DNAH9: variants seen among roughly 807,000 people sequenced by gnomAD.
DNAH9 encodes dynein axonemal heavy chain 9.
In DNAH9, 345 loss-of-function variants were observed where a neutral mutation model predicts 471.6. That is an observed-to-expected ratio of 0.73 (90% CI 0.67 to 0.80). DNAH9 has a LOEUF of 0.80. Ranked by LOEUF, DNAH9 falls within the 30% of genes least tolerant of loss-of-function variation. DNAH9 has a pLI of 0.00. For missense variants in DNAH9, 5,407 were observed against 5,609.2 expected (o/e 0.96, Z 1.15); for synonymous variants, 2,093 against 2,123.6 (o/e 0.99, Z 0.40).
Position 11,669,402 on chromosome 17 carries a change from C to T in DNAH9, c.2961C>T (p.Asn987=). Residue 987 remains asparagine (N), a synonymous_variant, in exon 17 of 69, where the codon AAC becomes AAT. Coordinates refer to ENST00000262442, the MANE Select transcript of DNAH9 (RefSeq NM_001372.4). ...TGGACGGTATACCAGATTTGGCAAA[C>T]ATGCGGCGCACACTCATGGAGAGAG... ...VDLDGIPDLA[N]MRRTLMERVQ... 1.2e-6 allele frequency: 2 copies of T among 1,613,548 alleles called. No individual in the cohort carries two copies. Among genetic ancestry groups the T allele is most frequent in the Non-Finnish European group, 1.7e-6 (2 of 1,179,692 alleles).
At chr17:11,682,842 A>C (rs1239864714) in intron 19 of DNAH9, among the ~76,000 whole-genome samples, 1 of 152,180 alleles carries the variant, frequency 6.6e-6, no homozygotes, top group Non-Finnish European at 1.5e-5. Flanking sequence ...TCAAGCAATC[A>C]TGAGGAGGAA....
intron 18 of DNAH9, 69 bp downstream of exon 18, chr17:11,680,048 A>C: frequency 1.6e-6 from 2 of 1,230,064 alleles, no homozygotes; most frequent in Non-Finnish European, 2.3e-6. Context: ...AATGGGGTAA[A>C]GTGGGGTACA....
intron 60 of DNAH9, among the ~76,000 whole-genome samples, chr17:11,905,144 G>C (rs1024054198): frequency 2.0e-5 from 3 of 151,772 alleles, no homozygotes; most frequent in Admixed American, 1.3e-4. Context: ...TGAGGCAGGG[G>C]AATCACTTGA....
intron 48 of DNAH9, among the ~76,000 whole-genome samples, chr17:11,830,211 G>A (rs1205964338): frequency 6.6e-6 from 1 of 152,146 alleles, no homozygotes; most frequent in Non-Finnish European, 1.5e-5. Context: ...CTTTCTCTTG[G>A]CATTGCCTGG....
intron 9 of DNAH9, 33 bp downstream of exon 9, chr17:11,636,817 A>G (rs753371504): frequency 1.2e-6 from 2 of 1,600,154 alleles, no homozygotes; most frequent in Non-Finnish European, 1.7e-6. Flanking sequence ...TGATGGGGAC[A>G]TTCTGTTACT....
At chr17:11,653,939 G>C (rs967405827) in intron 14 of DNAH9, among the ~76,000 whole-genome samples, 1 of 152,006 alleles carries the variant, frequency 6.6e-6, no homozygotes, top group Non-Finnish European at 1.5e-5. Flanking sequence ...TCCATCAGCT[G>C]TATTTCCATA....
intron 35 of DNAH9, among the ~76,000 whole-genome samples, chr17:11,760,298 T>A (rs1158999969): frequency 6.6e-6 from 1 of 152,190 alleles, no homozygotes; most frequent in Non-Finnish European, 1.5e-5. Context: ...GTCCCATATA[T>A]CCTTTAACTA....
At position 11,929,024 on chromosome 17, in the gene DNAH9, C is replaced by CT. The variant is rs71142254; in HGVS notation, c.11878-818dup. On this transcript the variant is annotated intron_variant, in intron 62 of 68. Coordinates refer to ENST00000262442, the MANE Select transcript of DNAH9 (RefSeq NM_001372.4). Reference sequence around the variant, plus strand: ...TTGGAAGATGACCAAGTGTTACAGCCTTTTTTTTTTTTTTTTTTTTTTTTA... The same window carrying CT: ...TTGGAAGATGACCAAGTGTTACAGCCTTTTTTTTTTTTTTTTTTTTTTTTTA... Among the ~76,000 whole-genome samples, 884 of 102,924 alleles carry CT rather than the reference C, an allele frequency of 8.6e-3. 27 individuals carry two copies. Among genetic ancestry groups the CT allele is most frequent in the African/African-American group, 0.023 (618 of 27,154 alleles). 67.5% of individuals were successfully genotyped at this position (102,924 alleles called of 152,430 possible). A position where few individuals can be genotyped will look rare whatever the true frequency, so the allele number is the denominator to read the frequency against.
At chr17:11,712,754 A>G (rs559395445) in intron 26 of DNAH9, among the ~76,000 whole-genome samples, 3 of 151,586 alleles carry the variant, frequency 2.0e-5, no homozygotes, top group South Asian at 2.1e-4. Context: ...TCTTTTGCCT[A>G]TTGTTTGGTC....
intron 44 of DNAH9, among the ~76,000 whole-genome samples, chr17:11,809,651 C>G (rs1474265660): frequency 2.0e-5 from 3 of 152,140 alleles, no homozygotes; most frequent in Non-Finnish European, 2.9e-5. Context: ...CCCCAAGTAC[C>G]TCACTCTCAG....
intron 50 of DNAH9, among the ~76,000 whole-genome samples, chr17:11,865,367 T>C (rs1469035194): frequency 6.6e-6 from 1 of 151,954 alleles, no homozygotes; most frequent in African/African-American, 2.4e-5. Context: ...TTCTGGCTTG[T>C]AGAGTTTCTG....
chr17:11,658,206 GT>G (rs1476192203), intron 14 of DNAH9, among the ~76,000 whole-genome samples: 6 of 152,032 alleles, frequency 3.9e-5, no homozygotes, highest in African/African-American at 1.2e-4. Context: ...GCAATGCTTT[GT>G]AGTTTTAGTG....
In DNAH9 at chr17:11,822,950, G is replaced by A. The variant is rs752896577; in HGVS notation, c.9162G>A (p.Leu3054=). The change falls in exon 48 of 69, where the codon TTG becomes TTA. Residue 3054 remains leucine (L), a synonymous_variant. Coordinates refer to ENST00000262442, the MANE Select transcript of DNAH9 (RefSeq NM_001372.4). ...AGTTCATCAGACTCTACCAGAGCTT[G>A]TTGCACAGGCACAGAAAAGAGCTCA... is the stretch of plus-strand genomic sequence containing the variant. ...FLEFIRLYQS[L]LHRHRKELKC... 6.8e-6 allele frequency: 11 copies of A among 1,614,198 alleles called. No homozygotes were observed. Among genetic ancestry groups the A allele is most frequent in the Middle Eastern group, 1.6e-4 (1 of 6,062 alleles).
chr17:11,845,629 A>G (rs1307647864), intron 49 of DNAH9, among the ~76,000 whole-genome samples: 1 of 139,914 alleles, frequency 7.1e-6, no homozygotes, highest in Non-Finnish European at 1.5e-5. Flanking sequence ...CCAACAGTGT[A>G]AAAGTGTTCC....
chr17:11,641,010 A>T (rs2150685895), intron 10 of DNAH9, among the ~76,000 whole-genome samples: 1 of 152,260 alleles, frequency 6.6e-6, no homozygotes, highest in East Asian at 1.9e-4. Context: ...ACGCTGGCTG[A>T]GGAAAGGCAG....
At chr17:11,828,871 A>G (rs1208843870) in intron 48 of DNAH9, among the ~76,000 whole-genome samples, 1 of 152,166 alleles carries the variant, frequency 6.6e-6, no homozygotes, top group Non-Finnish European at 1.5e-5. Flanking sequence ...ATATCAAGCT[A>G]TACTGCTATT....
intron 27 of DNAH9, 95 bp downstream of exon 27, chr17:11,719,585 A>G: frequency 8.3e-7 from 1 of 1,199,620 alleles, no homozygotes; most frequent in South Asian, 1.5e-5. Context: ...ACCCTGACCC[A>G]GCTTCCCCAG....
At chr17:11,660,506 A>G (rs536903529) in intron 14 of DNAH9, among the ~76,000 whole-genome samples, 59 of 152,050 alleles carry the variant, frequency 3.9e-4, no homozygotes, top group African/African-American at 1.4e-3. Flanking sequence ...AATTTTTAGT[A>G]GAGATGAGGT....
rs987119563 is a variant in DNAH9, at chr17:11,623,631, G to C, written c.1350+3850G>C. Reference sequence around the variant, plus strand: ...CATGTAGGCCTTTAGTTAATATTCTGTGTATCTCTGTGATCGATGCCTGAT... The same window carrying C: ...CATGTAGGCCTTTAGTTAATATTCTCTGTATCTCTGTGATCGATGCCTGAT... On this transcript the variant is annotated intron_variant, in intron 6 of 68. Coordinates refer to ENST00000262442, the MANE Select transcript of DNAH9 (RefSeq NM_001372.4). This position sits in a 1 kb window ranked among gnomAD's most constrained non-coding sequence, Gnocchi z 4.1. Among the ~76,000 whole-genome samples the C allele has an allele frequency of 2.0e-5, 3 of 152,068 alleles. No individual in the cohort carries two copies. Among genetic ancestry groups the C allele is most frequent in the Non-Finnish European group, 4.4e-5 (3 of 68,022 alleles).
Sources: allele counts gnomAD v4.1 joint callset (sites outside exome capture counted in the v4.1 genomes callset), GRCh38; gene constraint gnomAD v4.1.1; non-coding constraint Gnocchi (gnomAD v3.1); transcripts MANE v1.5; gene names NCBI Gene and HGNC (gene_info 2026-07-23, HGNC 2026-07-21).